The following SORCS2 variants were observed in gnomAD, a reference collection of about 807,000 sequenced individuals.
SORCS2 encodes sortilin related VPS10 domain containing receptor 2.
Under a neutral mutation model 141.6 loss-of-function variants are expected in SORCS2, and 100 were observed. The ratio of observed to expected loss-of-function variants is 0.71; its 90% CI spans 0.60 to 0.83. SORCS2 has a LOEUF of 0.83. Ranked by LOEUF, SORCS2 falls within the 40% of genes least tolerant of loss-of-function variation. The pLI is 0.00. For synonymous variants in SORCS2, 789 were observed against 676.9 expected (o/e 1.17, Z -2.57); for missense variants, 1,646 against 1,560.2 (o/e 1.05, Z -0.93).
intron 3 of SORCS2, among the ~76,000 whole-genome samples, chr4:7,635,522 C>G (rs747632437): frequency 5.3e-5 from 8 of 152,242 alleles, no homozygotes; most frequent in Admixed American, 3.3e-4. Context: ...TTTGTCCACT[C>G]ATTTGTCATT....
At chr4:7,461,122 G>C (rs28733922) in intron 2 of SORCS2, among the ~76,000 whole-genome samples, 1 of 152,096 alleles carries the variant, frequency 6.6e-6, no homozygotes, top group African/African-American at 2.4e-5. Flanking sequence ...GCCATGTCAG[G>C]ACTGAGGATG....
chr4:7,322,291 C>A (rs1033745213), intron 1 of SORCS2, among the ~76,000 whole-genome samples: 2 of 152,100 alleles, frequency 1.3e-5, no homozygotes, highest in African/African-American at 4.8e-5. Flanking sequence ...GAAGGAGGAG[C>A]CTCGTGGTGG....
At chr4:7,639,811 GAGTGTGAGGGTGTGTTTT>G (rs1369590289) in intron 4 of SORCS2, among the ~76,000 whole-genome samples, 2 of 151,844 alleles carry the variant, frequency 1.3e-5, no homozygotes, top group Non-Finnish European at 2.9e-5. Context: ...GGTTGTGTTT[GAGTGTGAGGGTGTGTTTT>G]AGTGTGTAAA....
intron 3 of SORCS2, among the ~76,000 whole-genome samples, chr4:7,596,087 C>G (rs753294802): frequency 3.3e-5 from 5 of 152,240 alleles, no homozygotes; most frequent in Admixed American, 1.3e-4. Flanking sequence ...AAATTTGACT[C>G]AGCATCCTGT....
intron 3 of SORCS2, among the ~76,000 whole-genome samples, chr4:7,555,359 A>T (rs1025148246): frequency 2.6e-5 from 4 of 152,152 alleles, no homozygotes; most frequent in Non-Finnish European, 4.4e-5. Flanking sequence ...ATTTCCAAAG[A>T]CACCCCCAGC....
intron 1 of SORCS2, among the ~76,000 whole-genome samples, chr4:7,296,413 G>A (rs1288025384): frequency 2.0e-5 from 3 of 152,204 alleles, no homozygotes; most frequent in African/African-American, 2.4e-5. Context: ...CCTCCTCTCC[G>A]TAGACCCTGA....
At chr4:7,654,007 C>T (rs557424438) in intron 4 of SORCS2, 127 bp from the exon 5 acceptor site, 417 of 886,462 alleles carry the variant, frequency 4.7e-4, no homozygotes, top group African/African-American at 4.6e-3. Flanking sequence ...ACAGCGCCTC[C>T]GCGTGTCCGC....
intron 14 of SORCS2, among the ~76,000 whole-genome samples, chr4:7,705,717 C>T (rs1397704542): frequency 6.6e-6 from 1 of 152,224 alleles, no homozygotes; most frequent in African/African-American, 2.4e-5. Flanking sequence ...CCAGTTCACA[C>T]CCTGAGTTTT....
intron 1 of SORCS2, among the ~76,000 whole-genome samples, chr4:7,285,151 G>T (rs1355730849): frequency 6.6e-6 from 1 of 151,786 alleles, no homozygotes; most frequent in African/African-American, 2.4e-5. Context: ...TCGTGCCTCA[G>T]CCTCCCGAGG....
In SORCS2 at chr4:7,676,042, C is replaced by T. The variant is rs1323318957; in HGVS notation, c.1162-8C>T. The T allele has an allele frequency of 6.4e-7, 1 of 1,573,118 alleles. No individual in the cohort carries two copies. Among genetic ancestry groups the T allele is most frequent in the African/African-American group, 1.3e-5 (1 of 74,086 alleles). ...CTCTGACCCTGTGCTCCCTGCACAT[C>T]CCCACAGGATCTGCAGATCATCAGC... On this transcript the variant is annotated splice_region_variant and splice_polypyrimidine_tract_variant and intron_variant, in intron 8 of 26. Transcript: ENST00000507866.
intron 2 of SORCS2, among the ~76,000 whole-genome samples, chr4:7,416,601 T>C (rs540820532): frequency 6.6e-6 from 1 of 152,102 alleles, no homozygotes; most frequent in East Asian, 1.9e-4. Context: ...CTCACACTTG[T>C]GCGTATACAC....
chr4:7,681,899 G>A (rs1429365101), intron 9 of SORCS2, among the ~76,000 whole-genome samples: 1 of 152,218 alleles, frequency 6.6e-6, no homozygotes, highest in African/African-American at 2.4e-5. Context: ...TACAGGTGCA[G>A]AAACAGCTTC....
At chr4:7,678,038 G>A (rs1577065653) in intron 9 of SORCS2, among the ~76,000 whole-genome samples, 2 of 152,268 alleles carry the variant, frequency 1.3e-5, no homozygotes, top group African/African-American at 2.4e-5. Context: ...CTGCACCACC[G>A]CATGCCATGC....
chr4:7,630,846 G>C (rs1719842954), intron 3 of SORCS2, among the ~76,000 whole-genome samples: 1 of 152,124 alleles, frequency 6.6e-6, no homozygotes, highest in Admixed American at 6.5e-5. Context: ...GCCAGGAGTA[G>C]ACTGGGCAAT....
chr4:7,268,604 G>C (rs1454322602), intron 1 of SORCS2, among the ~76,000 whole-genome samples: 1 of 152,232 alleles, frequency 6.6e-6, no homozygotes, highest in African/African-American at 2.4e-5. Context: ...CAGGGGCCAT[G>C]CAGACAGTAA....
chr4:7,208,475 G>A (rs1414095918), intron 1 of SORCS2, among the ~76,000 whole-genome samples: 3 of 152,174 alleles, frequency 2.0e-5, no homozygotes, highest in Non-Finnish European at 2.9e-5. Context: ...AAGACCCCCT[G>A]TGTGCCAGAC....
chr4:7,339,611 T>A (rs1720246134), intron 1 of SORCS2, among the ~76,000 whole-genome samples: 1 of 152,168 alleles, frequency 6.6e-6, no homozygotes. Context: ...TGTGGCCATT[T>A]TTGTCAGGAC....
intron 1 of SORCS2, among the ~76,000 whole-genome samples, chr4:7,290,510 C>G (rs1716530815): frequency 6.6e-6 from 1 of 152,182 alleles, no homozygotes; most frequent in Admixed American, 6.5e-5. Context: ...CAGAATCCTC[C>G]CTTCATTTCT....
At position 7,740,519 on chromosome 4, in the gene SORCS2, C is replaced by A. The variant is rs1712588471; in HGVS notation, c.*255C>A. On this transcript the variant is annotated 3_prime_UTR_variant, in exon 27 of 27. Transcript: ENST00000507866. ...CAGGCCTGACTCAGGCAGGTTCTGC[C>A]CCCCAGACCCCACACACGGCCGCCC... The A allele has an allele frequency of 3.7e-6, 2 of 539,874 alleles. No individual in the cohort carries two copies. The highest frequency in any genetic ancestry group is 5.1e-4 in the Middle Eastern group (1 of 1,966). The allele number at this position is 539,874 out of a possible 1,614,324, so 33.4% of individuals were successfully genotyped here. A position where few individuals can be genotyped will look rare whatever the true frequency, so the allele number is the denominator to read the frequency against.
Sources: allele counts gnomAD v4.1 joint callset (sites outside exome capture counted in the v4.1 genomes callset), GRCh38; gene constraint gnomAD v4.1.1; transcripts MANE v1.5; gene names NCBI Gene and HGNC (gene_info 2026-07-23, HGNC 2026-07-21).